LTBP1: variants seen among roughly 807,000 people sequenced by gnomAD.
LTBP1 encodes latent transforming growth factor beta binding protein 1, also known as latent-transforming growth factor beta-binding protein 1.
Under a neutral mutation model 207.6 loss-of-function variants are expected in LTBP1, and 129 were observed. The observed-to-expected ratio is 0.62, with a 90% CI of 0.54 to 0.72. LTBP1 has a LOEUF of 0.72. Ranked by LOEUF, LTBP1 falls within the 30% of genes least tolerant of loss-of-function variation. The probability of loss-of-function intolerance (pLI) is 0.00; values close to 1 mark genes in which losing one functional copy is unlikely to be tolerated. For synonymous variants in LTBP1, 963 were observed against 833.7 expected, an observed-to-expected ratio of 1.16 and a Z score of -2.67; for missense variants, 2,281 against 2,217.2, an observed-to-expected ratio of 1.03 and a Z score of -0.58.
At chr2:33,294,947 A>C (rs2093847118) in intron 20 of LTBP1, among the ~76,000 whole-genome samples, 1 of 151,678 alleles carries the variant, frequency 6.6e-6, no homozygotes, top group Non-Finnish European at 1.5e-5. Flanking sequence ...CATATTGTAC[A>C]TATTTATGGG....
chr2:33,327,990 C>G (rs1401375772), intron 24 of LTBP1, among the ~76,000 whole-genome samples: 2 of 151,684 alleles, frequency 1.3e-5, no homozygotes, highest in Non-Finnish European at 2.9e-5. Context: ...CAAAAATTAG[C>G]CAGGCATGAT....
At chr2:32,965,382 A>G (rs1439680661) in intron 2 of LTBP1, among the ~76,000 whole-genome samples, 5 of 152,134 alleles carry the variant, frequency 3.3e-5, no homozygotes, top group South Asian at 4.1e-4. Context: ...TTGGTGTTGT[A>G]TATTCCTTGG....
rs533430801 is a variant in LTBP1, at chr2:33,286,341, A to G, written c.3112+6183A>G. 2.6e-5 allele frequency among the ~76,000 whole-genome samples: 4 copies of G among 152,354 alleles called. No individual in the cohort carries two copies. In the South Asian group the frequency reaches 8.3e-4, roughly 32 times the overall value. ...CCTGGCACAGAGAACTTGAAGAATA[A>G]ACTTGGACAGAAAACATGGAGAACT... On this transcript the variant is annotated intron_variant, in intron 19 of 33. Transcript: ENST00000404816.
At chr2:33,089,170 A>G (rs985198061) in intron 3 of LTBP1, among the ~76,000 whole-genome samples, 8 of 151,308 alleles carry the variant, frequency 5.3e-5, no homozygotes, top group African/African-American at 1.9e-4. Context: ...AAAAAAAAAA[A>G]AAGAAAAAAA....
At chr2:33,369,691 CCA>C (rs2095044567) in intron 31 of LTBP1, among the ~76,000 whole-genome samples, 1 of 152,120 alleles carries the variant, frequency 6.6e-6, no homozygotes, top group Admixed American at 6.5e-5. Flanking sequence ...GCGCGCACCA[CCA>C]CACACACAAA....
intron 15 of LTBP1, among the ~76,000 whole-genome samples, chr2:33,265,719 T>G (rs1186020838): frequency 6.6e-6 from 1 of 152,062 alleles, no homozygotes; most frequent in Non-Finnish European, 1.5e-5. Flanking sequence ...ATCTGAGAGA[T>G]TTAAGTGTTT....
At chr2:33,062,489 C>T (rs1572448513) in intron 3 of LTBP1, among the ~76,000 whole-genome samples, 1 of 151,994 alleles carries the variant, frequency 6.6e-6, no homozygotes, top group Admixed American at 6.6e-5. Context: ...GGTGAGAATC[C>T]AGGATGCTTC....
chr2:33,116,493 G>A (rs1045277320), intron 4 of LTBP1, among the ~76,000 whole-genome samples: 7 of 152,084 alleles, frequency 4.6e-5, no homozygotes, highest in Non-Finnish European at 8.8e-5. Context: ...TTTATCTCCT[G>A]ATGTGCTAAC....
chr2:33,112,670 A>T (rs1280310106), intron 4 of LTBP1, among the ~76,000 whole-genome samples: 1 of 152,196 alleles, frequency 6.6e-6, no homozygotes, highest in Non-Finnish European at 1.5e-5. Context: ...TTTAAAAGAG[A>T]TAATTTGGCA....
intron 9 of LTBP1, among the ~76,000 whole-genome samples, chr2:33,234,935 A>G (rs575429411): frequency 6.6e-6 from 1 of 152,270 alleles, no homozygotes; most frequent in Non-Finnish European, 1.5e-5. Flanking sequence ...AAGACCTAAA[A>G]CCATAAAAAC....
chr2:33,256,660 A>ATAACCTAATATGATATATAGTATTTTC (rs2092860477), intron 11 of LTBP1, among the ~76,000 whole-genome samples: 1 of 147,844 alleles, frequency 6.8e-6, no homozygotes, highest in African/African-American at 2.5e-5. Context: ...CTCCTAATAT[A>ATAACCTAATATGATATATAGTATTTTC]TAACCTAATA....
At chr2:33,022,465 C>T (rs2075222738) in intron 3 of LTBP1, among the ~76,000 whole-genome samples, 1 of 152,084 alleles carries the variant, frequency 6.6e-6, no homozygotes, top group Non-Finnish European at 1.5e-5. Flanking sequence ...TTACTATGTG[C>T]CAGGTACTCT....
chr2:32,981,042 A>G (rs751660026), intron 2 of LTBP1, among the ~76,000 whole-genome samples: 2 of 152,088 alleles, frequency 1.3e-5, no homozygotes, highest in African/African-American at 2.4e-5. Flanking sequence ...TGATTATTCA[A>G]TGCTTTGAGG....
chr2:33,278,036 G>C (rs1354722098), intron 18 of LTBP1, among the ~76,000 whole-genome samples: 1 of 151,146 alleles, frequency 6.6e-6, no homozygotes, highest in Non-Finnish European at 1.5e-5. Flanking sequence ...GTGTCACCGT[G>C]TTAGCCAGGA....
chr2:33,196,284 A>G (rs945134005), intron 7 of LTBP1, among the ~76,000 whole-genome samples: 1 of 148,878 alleles, frequency 6.7e-6, no homozygotes, highest in Non-Finnish European at 1.5e-5. Flanking sequence ...TGAATATCTC[A>G]GTATATTGGA....
intron 3 of LTBP1, among the ~76,000 whole-genome samples, chr2:33,050,083 A>G (rs1178461697): frequency 6.6e-6 from 1 of 151,186 alleles, no homozygotes; most frequent in African/African-American, 2.4e-5. Flanking sequence ...GCCTCAAGCG[A>G]TCTTCCTGCC....
In LTBP1 at chr2:32,947,343, A is replaced by G; in HGVS notation, c.19A>G (p.Arg7Gly). 8.0e-7 allele frequency: 1 copy of G among 1,247,490 alleles called. No individual in the cohort carries two copies. The highest frequency in any genetic ancestry group is 1.0e-6 in the Non-Finnish European group (1 of 996,236). The allele number at this position is 1,247,490 out of a possible 1,614,324, so 77.3% of individuals were successfully genotyped here. MAGAWLRWGLLLWAGLL... is the reference protein window; with the variant it reads MAGAWLGWGLLLWAGLL... ...GCCCGCGATGGCGGGGGCCTGGCTC[A>G]GGTGGGGGCTCCTGCTCTGGGCAGG... The change falls in exon 1 of 34, where the codon AGG becomes GGG. Residue 7 changes from arginine to glycine, a missense_variant. This residue lies in a region of LTBP1 where 555 missense variants were observed against 491.0 expected (regional missense o/e 1.13). Transcript: ENST00000404816.
rs375382415 is a variant in LTBP1, at chr2:33,397,657, G to A, written c.4984+375G>A. 1.2e-4 allele frequency among the ~76,000 whole-genome samples: 18 copies of A among 147,896 alleles called. 1 individual carries two copies. Among genetic ancestry groups the A allele is most frequent in the Admixed American group, 6.1e-4 (9 of 14,682 alleles). ...TGAGTAGCTGGGACTACAGGCACCCGCCACCACACCCGGCTAATTTTTTTT... is the reference window on the plus strand; with the variant it reads ...TGAGTAGCTGGGACTACAGGCACCCACCACCACACCCGGCTAATTTTTTTT... On this transcript the variant is annotated intron_variant, in intron 33 of 33. Coordinates refer to ENST00000404816, the MANE Select transcript of LTBP1 (RefSeq NM_206943.4).
At chr2:33,317,410 G>A (rs991952550) in intron 24 of LTBP1, among the ~76,000 whole-genome samples, 6 of 152,216 alleles carry the variant, frequency 3.9e-5, no homozygotes, top group African/African-American at 7.2e-5. Context: ...TCTTTCTGGA[G>A]TAAGTTCTGC....
Sources: gnomAD v4.1 joint callset for allele counts (sites outside exome capture counted in the v4.1 genomes callset) on GRCh38, gnomAD v4.1.1 for gene constraint, gnomAD v4.1.1 regional missense constraint, MANE v1.5 for transcripts, NCBI Gene and HGNC (gene_info 2026-07-23, HGNC 2026-07-21) for gene names.